TRPM3: variants seen among roughly 807,000 people sequenced by gnomAD.
TRPM3 encodes the protein transient receptor potential cation channel subfamily M member 3, also known as long transient receptor potential channel 3.
A neutral mutation model predicts 181.2 loss-of-function variants in TRPM3; 77 were observed. The observed-to-expected ratio is 0.42, with a 90% CI of 0.35 to 0.51. The LOEUF (loss-of-function observed/expected upper bound fraction) is 0.51. Ranked by LOEUF, TRPM3 falls within the 20% of genes least tolerant of loss-of-function variation. The pLI, the probability that TRPM3 is intolerant of heterozygous loss-of-function variation, is 0.01. For synonymous variants in TRPM3, 745 were observed against 796.4 expected (o/e 0.94, Z 1.09); for missense variants, 1,759 against 2,196.7 (o/e 0.80, Z 3.98).
At chr9:71,425,904 G>C (rs1032643321) in intron 1 of TRPM3, among the ~76,000 whole-genome samples, 1 of 151,996 alleles carries the variant, frequency 6.6e-6, no homozygotes, top group African/African-American at 2.4e-5. Context: ...TACTGTTGAA[G>C]AGAGTTTGCA....
At chr9:71,195,751 T>C (rs2078312696) in intron 1 of TRPM3, among the ~76,000 whole-genome samples, 1 of 152,094 alleles carries the variant, frequency 6.6e-6, no homozygotes, top group African/African-American at 2.4e-5. Context: ...ATGTGATACA[T>C]ACACACCATG....
chr9:70,876,138 A>C (rs2095865421), intron 1 of TRPM3, among the ~76,000 whole-genome samples: 1 of 151,774 alleles, frequency 6.6e-6, no homozygotes, highest in Non-Finnish European at 1.5e-5. Context: ...TAGCTTCAAA[A>C]TATTGTTAAT....
chr9:71,005,948 A>G (rs1047573489), intron 1 of TRPM3, among the ~76,000 whole-genome samples: 2 of 152,216 alleles, frequency 1.3e-5, no homozygotes, highest in African/African-American at 4.8e-5. Flanking sequence ...TAAAATTATT[A>G]AGACAATAAT....
chr9:71,302,975 G>C (rs1447377342), intron 1 of TRPM3, among the ~76,000 whole-genome samples: 1 of 152,232 alleles, frequency 6.6e-6, no homozygotes, highest in Non-Finnish European at 1.5e-5. Context: ...TGTGTGCAGA[G>C]TTTCGGAACT....
At chr9:70,662,614 C>T (rs1164584847) in intron 9 of TRPM3, among the ~76,000 whole-genome samples, 1 of 152,014 alleles carries the variant, frequency 6.6e-6, no homozygotes, top group Non-Finnish European at 1.5e-5. Flanking sequence ...AGAAGATATA[C>T]AAATGGCCAA....
intron 1 of TRPM3, among the ~76,000 whole-genome samples, chr9:71,053,187 T>C (rs1448477275): frequency 1.4e-5 from 2 of 147,212 alleles, no homozygotes; most frequent in African/African-American, 5.0e-5. Context: ...CTCAGGATTA[T>C]AAATTTCAGT....
intron 9 of TRPM3, among the ~76,000 whole-genome samples, 165 bp downstream of exon 9, chr9:70,681,338 TAGG>T (rs1448238429): frequency 6.6e-6 from 1 of 152,216 alleles, no homozygotes; most frequent in Non-Finnish European, 1.5e-5. Flanking sequence ...ATATCTATTC[TAGG>T]AGAATTTAAT....
At chr9:70,774,720 T>G (rs1160761265) in intron 7 of TRPM3, 1 of 152,202 alleles carries the variant, frequency 6.6e-6, no homozygotes. Context: ...AATGGATTAT[T>G]TACTGCTTAC....
At chr9:70,611,686 T>TAAAC (rs1208927271) in intron 18 of TRPM3, among the ~76,000 whole-genome samples, 1 of 152,214 alleles carries the variant, frequency 6.6e-6, no homozygotes, top group Admixed American at 6.5e-5. Context: ...TCCCTAATTT[T>TAAAC]AAACACTGTA....
At chr9:71,440,226 G>A (rs192496263) in intron 1 of TRPM3, among the ~76,000 whole-genome samples, 1 of 152,216 alleles carries the variant, frequency 6.6e-6, no homozygotes, top group Admixed American at 6.5e-5. Context: ...CAGAACTGGG[G>A]AGAAAAGAGT....
At chr9:70,567,069 T>C (rs1040951633) in intron 22 of TRPM3, among the ~76,000 whole-genome samples, 3 of 152,200 alleles carry the variant, frequency 2.0e-5, no homozygotes, top group African/African-American at 7.2e-5. Flanking sequence ...TCCTTAGTGG[T>C]TGCTGCTTAG....
intron 9 of TRPM3, among the ~76,000 whole-genome samples, chr9:70,655,513 GT>G (rs1299882831): frequency 1.3e-5 from 2 of 151,826 alleles, no homozygotes; most frequent in Non-Finnish European, 2.9e-5. Context: ...GCTCCAACAG[GT>G]TTTTTGTTTG....
At chr9:70,800,973 G>T (rs1173949641) in intron 6 of TRPM3, among the ~76,000 whole-genome samples, 1 of 152,118 alleles carries the variant, frequency 6.6e-6, no homozygotes, top group Non-Finnish European at 1.5e-5. Context: ...GTCAGAAATG[G>T]GTTTCAAGCA....
chr9:71,315,452 G>A (rs191688366), intron 1 of TRPM3, among the ~76,000 whole-genome samples: 1 of 152,230 alleles, frequency 6.6e-6, no homozygotes, highest in Admixed American at 6.6e-5. Context: ...AATTTCCCAT[G>A]ACACGAACTT....
chr9:70,679,444 T>C (rs535737670), intron 9 of TRPM3, among the ~76,000 whole-genome samples: 2 of 152,312 alleles, frequency 1.3e-5, no homozygotes, highest in East Asian at 3.9e-4. Flanking sequence ...GTATTTTCAG[T>C]AGAAGATATT....
chr9:70,924,722 T>G (rs2096703019), intron 1 of TRPM3, among the ~76,000 whole-genome samples: 1 of 152,168 alleles, frequency 6.6e-6, no homozygotes, highest in African/African-American at 2.4e-5. Context: ...ATTTGACATG[T>G]TAACACTAAT....
chr9:71,073,649 A>G (rs1029729790), intron 1 of TRPM3, among the ~76,000 whole-genome samples: 2 of 152,218 alleles, frequency 1.3e-5, no homozygotes, highest in Non-Finnish European at 2.9e-5. Context: ...CAATAAAAAA[A>G]AAACCCAATT....
chr9:71,198,377 A>C, intron 1 of TRPM3, among the ~76,000 whole-genome samples: 1 of 151,994 alleles, frequency 6.6e-6, no homozygotes, highest in Non-Finnish European at 1.5e-5. Context: ...TTCCATATGA[A>C]CTTTAAAGTA....
chr9:70,861,006 T>C (rs1228622914), intron 3 of TRPM3, among the ~76,000 whole-genome samples: 2 of 152,190 alleles, frequency 1.3e-5, no homozygotes, highest in African/African-American at 4.8e-5. Flanking sequence ...TTGTGTTATC[T>C]AAATCCACAA....
Sources: allele counts gnomAD v4.1 joint callset (sites outside exome capture counted in the v4.1 genomes callset), GRCh38; gene constraint gnomAD v4.1.1; transcripts MANE v1.5; gene names NCBI Gene and HGNC (gene_info 2026-07-23, HGNC 2026-07-21).